KIRREL3: variants seen among roughly 807,000 people sequenced by gnomAD.
KIRREL3 encodes kin of IRRE-like protein 3.
In KIRREL3, 36 loss-of-function variants were observed where a neutral mutation model predicts 89.7. The ratio of observed to expected loss-of-function variants is 0.40; its 90% CI spans 0.31 to 0.53. The LOEUF (loss-of-function observed/expected upper bound fraction) is 0.53. Ranked by LOEUF, KIRREL3 falls within the 20% of genes least tolerant of loss-of-function variation. KIRREL3 has a pLI of 0.49. For missense variants in KIRREL3, 864 were observed against 1,056.6 expected, an observed-to-expected ratio of 0.82 and a Z score of 2.53; for synonymous variants, 445 against 441.4, an observed-to-expected ratio of 1.01 and a Z score of -0.10.
rs192685318 is a variant in KIRREL3 at position 126,777,347 on chromosome 11, G to C, written c.56-214435C>G. ...AAGCACTGGGCCTGGCAGGTCTAGG[G>C]AACAGTGATAATTCAGGTATGAAGC... On this transcript the variant is annotated intron_variant, in intron 1 of 16. Transcript: ENST00000525144. Among the ~76,000 whole-genome samples the C allele has an allele frequency of 3.9e-5, 6 of 152,256 alleles. No individual in the cohort carries two copies. In the East Asian group the frequency reaches 9.6e-4, roughly 24 times the overall value.
intron 1 of KIRREL3, among the ~76,000 whole-genome samples, chr11:126,960,550 A>G (rs1260160259): frequency 6.6e-6 from 1 of 152,226 alleles, no homozygotes; most frequent in Non-Finnish European, 1.5e-5. Flanking sequence ...TTGCGGTTCC[A>G]GGCAGCAACT....
rs1457692914 is a variant in KIRREL3 at position 126,578,111 on chromosome 11, G to T, written c.56-15199C>A. On this transcript the variant is annotated intron_variant, in intron 1 of 16. Transcript: ENST00000525144. The surrounding 1 kb of genome is among the most constrained non-coding windows in gnomAD (Gnocchi z 4.9). ...ACAGCCTTGCAACTTTGCCTCATTAGTCCCAAATTTGCACTGTGAGGCAAC... is the reference window on the plus strand; with the variant it reads ...ACAGCCTTGCAACTTTGCCTCATTATTCCCAAATTTGCACTGTGAGGCAAC... 6.6e-6 allele frequency among the ~76,000 whole-genome samples: 1 copy of T among 152,152 alleles called. No individual in the cohort carries two copies. Among genetic ancestry groups the T allele is most frequent in the Non-Finnish European group, 1.5e-5 (1 of 68,034 alleles).
chr11:126,606,924 G>A lies in KIRREL3; in HGVS notation c.56-44012C>T, dbSNP rs896749033. Among the ~76,000 whole-genome samples, 15 of 152,144 alleles carry A rather than the reference G, an allele frequency of 9.9e-5. No individual in the cohort carries two copies. Among genetic ancestry groups the A allele is most frequent in the African/African-American group, 3.4e-4 (14 of 41,418 alleles). On this transcript the variant is annotated intron_variant, in intron 1 of 16. Coordinates refer to ENST00000525144, the MANE Select transcript of KIRREL3 (RefSeq NM_032531.4). This position sits in a 1 kb window ranked among gnomAD's most constrained non-coding sequence, Gnocchi z 4.6. ...GGGGAGAAGCTCAGATGATGGGAAGGGGCGGGGGTGGCCAGGCAGTGCTTT... is the reference window on the plus strand; with the variant it reads ...GGGGAGAAGCTCAGATGATGGGAAGAGGCGGGGGTGGCCAGGCAGTGCTTT...
At chr11:126,646,897 T>C (rs529295431) in intron 1 of KIRREL3, among the ~76,000 whole-genome samples, 4 of 152,244 alleles carry the variant, frequency 2.6e-5, no homozygotes, top group African/African-American at 9.6e-5. Flanking sequence ...GAGACAACGT[T>C]TTTCCCCACA....
rs1467597078 is a variant in KIRREL3, at chr11:126,668,691, G to GT, written c.56-105780dup. On this transcript the variant is annotated intron_variant, in intron 1 of 16. Coordinates refer to ENST00000525144, the MANE Select transcript of KIRREL3 (RefSeq NM_032531.4). This position sits in a 1 kb window ranked among gnomAD's most constrained non-coding sequence, Gnocchi z 4.4. ...TATAAAGAGCTGTTGGGAAGTTTCT[G>GT]TTTTTCTTTCTTTCTTTCTTTCTTT... Among the ~76,000 whole-genome samples, 4 of 130,034 alleles carry GT rather than the reference G, an allele frequency of 3.1e-5. No individual in the cohort carries two copies. The highest frequency in any genetic ancestry group is 5.7e-5 in the African/African-American group (2 of 34,888). 85.3% of individuals were successfully genotyped at this position (130,034 alleles called of 152,430 possible). A position where few individuals can be genotyped will look rare whatever the true frequency, so the allele number is the denominator to read the frequency against.
In KIRREL3 at chr11:126,562,040, C is replaced by T. The variant is rs1041325823; in HGVS notation, c.133+795G>A. ...CAAGCATGGCTGGTGGGAGCCAAGG[C>T]TTCATTTGTCTGACTTTAATGAATA... On this transcript the variant is annotated intron_variant, in intron 2 of 16. Transcript: ENST00000525144. This position sits in a 1 kb window ranked among gnomAD's most constrained non-coding sequence, Gnocchi z 4.7. 6.6e-6 allele frequency among the ~76,000 whole-genome samples: 1 copy of T among 152,212 alleles called. No individual in the cohort carries two copies. The highest frequency in any genetic ancestry group is 1.5e-5 in the Non-Finnish European group (1 of 68,046).
intron 1 of KIRREL3, among the ~76,000 whole-genome samples, chr11:126,913,050 G>A (rs552473447): frequency 6.6e-6 from 1 of 152,328 alleles, no homozygotes; most frequent in South Asian, 2.1e-4. Context: ...GTGAAATGTA[G>A]AATGTTCCTC....
At chr11:126,468,389 G>A (rs1056306965) in intron 5 of KIRREL3, among the ~76,000 whole-genome samples, 1 of 152,244 alleles carries the variant, frequency 6.6e-6, no homozygotes, top group African/African-American at 2.4e-5. Flanking sequence ...GCCTGCAGTG[G>A]GCACTGCCCA....
intron 6 of KIRREL3, among the ~76,000 whole-genome samples, chr11:126,460,813 C>T (rs977531188): frequency 1.3e-5 from 2 of 152,220 alleles, no homozygotes; most frequent in Non-Finnish European, 2.9e-5. Flanking sequence ...GAGCAGGAAA[C>T]TGCTTCTTCC....
intron 5 of KIRREL3, among the ~76,000 whole-genome samples, chr11:126,469,571 G>A (rs945234793): frequency 6.6e-6 from 1 of 152,222 alleles, no homozygotes; most frequent in Non-Finnish European, 1.5e-5. Context: ...TCACAGGCTT[G>A]TAGCTTCTCC....
At chr11:126,700,739 C>A (rs1347753522) in intron 1 of KIRREL3, among the ~76,000 whole-genome samples, 1 of 152,136 alleles carries the variant, frequency 6.6e-6, no homozygotes, top group Non-Finnish European at 1.5e-5. Flanking sequence ...GCAGGTGAAA[C>A]CTCTCCGCCT....
At position 126,475,485 on chromosome 11, in the gene KIRREL3, C is replaced by G. The variant is rs949141999; in HGVS notation, c.434-2019G>C. Among the ~76,000 whole-genome samples, 11 of 152,202 alleles carry G rather than the reference C, an allele frequency of 7.2e-5. No homozygotes were observed. The East Asian group carries it at 2.1e-3, about 29-fold the overall frequency. ...GCCTGCTCCCACACTAACAGCACAG[C>G]AGTGCCATTTCCTGAGGAACAAGCA... is the stretch of plus-strand genomic sequence containing the variant. On this transcript the variant is annotated intron_variant, in intron 4 of 16. Transcript: ENST00000525144. This position sits in a 1 kb window ranked among gnomAD's most constrained non-coding sequence, Gnocchi z 7.5.
chr11:126,960,539 A>T (rs1949052930), intron 1 of KIRREL3, among the ~76,000 whole-genome samples: 1 of 152,202 alleles, frequency 6.6e-6, no homozygotes, highest in African/African-American at 2.4e-5. Flanking sequence ...TCTGATTTGA[A>T]TTGCGGTTCC....
intron 1 of KIRREL3, among the ~76,000 whole-genome samples, chr11:126,650,051 C>T (rs1393728009): frequency 6.6e-6 from 1 of 152,226 alleles, no homozygotes; most frequent in Non-Finnish European, 1.5e-5. Context: ...GGCTTGCACC[C>T]CATGAAGCCA....
At chr11:126,506,188 C>T (rs1958007664) in intron 4 of KIRREL3, among the ~76,000 whole-genome samples, 1 of 152,086 alleles carries the variant, frequency 6.6e-6, no homozygotes, top group Admixed American at 6.5e-5. Context: ...ATCTTTGTGA[C>T]CTTTGATTAG....
chr11:126,572,057 C>A (rs1170052422), intron 1 of KIRREL3, among the ~76,000 whole-genome samples: 1 of 152,198 alleles, frequency 6.6e-6, no homozygotes. Flanking sequence ...GCCAGATGCT[C>A]GACAGCTATG....
rs7929838 is a variant in KIRREL3 at position 126,724,935 on chromosome 11, G to C, written c.56-162023C>G. Reference sequence around the variant, plus strand: ...TTGTACCTTGACTTTGTGTCAGGTAGTGTGCTAGGTGCAGGAGTAGATATT... The same window carrying C: ...TTGTACCTTGACTTTGTGTCAGGTACTGTGCTAGGTGCAGGAGTAGATATT... On this transcript the variant is annotated intron_variant, in intron 1 of 16. Transcript: ENST00000525144. The surrounding 1 kb of genome is among the most constrained non-coding windows in gnomAD (Gnocchi z 4.3). 6.6e-6 allele frequency among the ~76,000 whole-genome samples: 1 copy of C among 152,182 alleles called. No individual in the cohort carries two copies. Among genetic ancestry groups the C allele is most frequent in the Non-Finnish European group, 1.5e-5 (1 of 68,026 alleles).
Position 126,431,619 on chromosome 11 carries a change from G to A in KIRREL3, c.1589-93C>T, listed in dbSNP as rs1955136022. On this transcript the variant is annotated intron_variant, in intron 13 of 16. Coordinates refer to ENST00000525144, the MANE Select transcript of KIRREL3 (RefSeq NM_032531.4). This position sits in a 1 kb window ranked among gnomAD's most constrained non-coding sequence, Gnocchi z 7.1. ...CCCCGTTCCTGCGGGGGCAGCCCCT[G>A]CCACATGGGGCCCTCCTGGGAAATG... 1.6e-6 allele frequency: 2 copies of A among 1,236,352 alleles called. No individual in the cohort carries two copies. Among genetic ancestry groups the A allele is most frequent in the South Asian group, 2.7e-5 (2 of 72,978 alleles). The allele number at this position is 1,236,352 out of a possible 1,614,324, so 76.6% of individuals were successfully genotyped here. A position where few individuals can be genotyped will look rare whatever the true frequency, so the allele number is the denominator to read the frequency against.
chr11:126,591,693 A>C (rs1022310386), intron 1 of KIRREL3, among the ~76,000 whole-genome samples: 5 of 152,220 alleles, frequency 3.3e-5, no homozygotes, highest in African/African-American at 1.2e-4. Flanking sequence ...GGTGAGGAAC[A>C]GGAGCACTAT....
Sources: allele counts gnomAD v4.1 joint callset (sites outside exome capture counted in the v4.1 genomes callset), GRCh38; gene constraint gnomAD v4.1.1; non-coding constraint Gnocchi (gnomAD v3.1); transcripts MANE v1.5; gene names NCBI Gene and HGNC (gene_info 2026-07-23, HGNC 2026-07-21).